TOR1AIP1: variants seen among roughly 807,000 people sequenced by gnomAD.
TOR1AIP1 encodes torsin-1A-interacting protein 1.
In TOR1AIP1, 54 loss-of-function variants were observed where a neutral mutation model predicts 63.3. The ratio of observed to expected loss-of-function variants is 0.85; its 90% CI spans 0.69 to 1.07. The LOEUF is 1.07. TOR1AIP1 is among the 50% of genes least tolerant of loss of function. The pLI is 0.00. For synonymous variants in TOR1AIP1, 294 were observed against 273.5 expected (o/e 1.07, Z -0.74); for missense variants, 736 against 715.0 (o/e 1.03, Z -0.33).
At chr1:179,907,593 T>TTATATATATATATATA (rs55752745) in intron 6 of TOR1AIP1, among the ~76,000 whole-genome samples, 1,076 of 62,730 alleles carry the variant, frequency 0.017, 12 homozygotes, top group Middle Eastern at 0.061. Context: ...CACACACACT[T>TTATATATATATATATA]TATATATATA....
At chr1:179,914,792 CAAAA>C (rs568810002) in intron 9 of TOR1AIP1, among the ~76,000 whole-genome samples, 5 of 72,382 alleles carry the variant, frequency 6.9e-5, no homozygotes, top group African/African-American at 5.3e-5. Context: ...GACTCTGTCT[CAAAA>C]AAAAAAAAAA....
intron 3 of TOR1AIP1, among the ~76,000 whole-genome samples, chr1:179,896,981 G>T (rs1478359913): frequency 1.3e-5 from 2 of 151,746 alleles, no homozygotes; most frequent in African/African-American, 4.8e-5. Flanking sequence ...AAATCTACGG[G>T]GATTATTATT....
At chr1:179,891,470 C>T (rs934082266) in intron 3 of TOR1AIP1, among the ~76,000 whole-genome samples, 1 of 151,658 alleles carries the variant, frequency 6.6e-6, no homozygotes, top group African/African-American at 2.4e-5. Flanking sequence ...TGATCTACCC[C>T]ACTTGGCCTC....
In TOR1AIP1 at chr1:179,901,386, G is replaced by T. The variant is rs1391163643; in HGVS notation, c.737G>T (p.Gly246Val). 1.9e-6 allele frequency: 3 copies of T among 1,596,030 alleles called. No homozygotes were observed. Among genetic ancestry groups the T allele is most frequent in the Non-Finnish European group, 2.6e-6 (3 of 1,167,658 alleles). Residue 246 changes from glycine to valine, a missense_variant and splice_region_variant, in exon 5 of 10, where the codon GGA becomes GTA. By Grantham distance (109) the Gly-to-Val change is moderately radical (BLOSUM62 -3). Transcript: ENST00000606911. The part of the protein sequence containing the change: ...KARSRDSDES[G>V]DKTTRSSSQY... Reference sequence around the variant, plus strand: ...AGATCCAGGGATTCTGATGAATCTGGAGGTAATATTGCTTTATATACATAT... The same window carrying T: ...AGATCCAGGGATTCTGATGAATCTGTAGGTAATATTGCTTTATATACATAT...
At position 179,912,494 on chromosome 1, in the gene TOR1AIP1, A is replaced by G. The variant is rs190820261; in HGVS notation, c.908-1504A>G. On this transcript the variant is annotated intron_variant, in intron 8 of 9. Transcript: ENST00000606911. The stretch of plus-strand genomic sequence containing the variant: ...TAAATATTATATATGGTACATAATT[A>G]TTATTTAGCTGTCCTTCATCATTAA... Among the ~76,000 whole-genome samples, 10 of 152,306 alleles carry G rather than the reference A, an allele frequency of 6.6e-5. No homozygotes were observed. In the East Asian group the frequency reaches 1.5e-3, roughly 23 times the overall value.
intron 3 of TOR1AIP1, among the ~76,000 whole-genome samples, chr1:179,897,056 T>TA (rs1648304631): frequency 6.6e-6 from 1 of 152,200 alleles, no homozygotes; most frequent in African/African-American, 2.4e-5. Context: ...TTTTTGTTTT[T>TA]AGTGATGGGA....
intron 3 of TOR1AIP1, among the ~76,000 whole-genome samples, chr1:179,899,012 A>G (rs950889756): frequency 4.6e-5 from 7 of 152,132 alleles, no homozygotes; most frequent in African/African-American, 1.7e-4. Flanking sequence ...GACTAGTATT[A>G]TACTAATCTA....
intron 8 of TOR1AIP1, among the ~76,000 whole-genome samples, chr1:179,909,802 G>A (rs776858244): frequency 2.6e-5 from 4 of 151,762 alleles, no homozygotes; most frequent in African/African-American, 7.3e-5. Context: ...TCCCTCTGTC[G>A]CCCAGGTTGG....
At chr1:179,897,591 C>G (rs949352540) in intron 3 of TOR1AIP1, among the ~76,000 whole-genome samples, 1 of 152,142 alleles carries the variant, frequency 6.6e-6, no homozygotes, top group African/African-American at 2.4e-5. Context: ...CCAACATATC[C>G]TTTCCATTAT....
At chr1:179,896,499 C>G (rs540770907) in intron 3 of TOR1AIP1, among the ~76,000 whole-genome samples, 2 of 150,540 alleles carry the variant, frequency 1.3e-5, no homozygotes, top group African/African-American at 4.9e-5. Context: ...TTTCCTACCT[C>G]TTAGATGTAC....
intron 8 of TOR1AIP1, among the ~76,000 whole-genome samples, chr1:179,910,253 C>A (rs887522485): frequency 6.6e-6 from 1 of 152,200 alleles, no homozygotes; most frequent in Admixed American, 6.5e-5. Context: ...AACCTCCCTA[C>A]TTTACTCATC....
intron 6 of TOR1AIP1, among the ~76,000 whole-genome samples, chr1:179,907,200 A>G (rs976256092): frequency 1.1e-4 from 17 of 151,690 alleles, no homozygotes; most frequent in Admixed American, 1.0e-3. Flanking sequence ...CCTGGCCAAC[A>G]TGGTGAAACC....
chr1:179,908,580 C>A, intron 7 of TOR1AIP1, 25 bp from the exon 8 acceptor site: 1 of 1,591,322 alleles, frequency 6.3e-7, no homozygotes, highest in Non-Finnish European at 8.6e-7. Flanking sequence ...GGGAAATTAT[C>A]TTTTGATATA....
At chr1:179,907,506 A>G (rs1648676816) in intron 6 of TOR1AIP1, among the ~76,000 whole-genome samples, 1 of 149,900 alleles carries the variant, frequency 6.7e-6, no homozygotes. Flanking sequence ...TTTTGATGGT[A>G]CTGATCCTAA....
At position 179,882,611 on chromosome 1, in the gene TOR1AIP1, G is replaced by A; in HGVS notation, c.109G>A (p.Gly37Ser). The change falls in exon 1 of 10, where the codon GGC becomes AGC. Residue 37 changes from glycine to serine, a missense_variant. Coordinates refer to ENST00000606911, the MANE Select transcript of TOR1AIP1 (RefSeq NM_015602.4). ...EGRGRLAPQN[G>S]GSSDAPAYRT... ...AAGGGGCCGGCTCGCCCCTCAAAAT[G>A]GCGGCAGCAGCGATGCGCCTGCGTA... 5 of 1,527,834 alleles carry A rather than the reference G, an allele frequency of 3.3e-6. No homozygotes were observed. The highest frequency in any genetic ancestry group is 4.5e-5 in the East Asian group (2 of 44,048). The allele number at this position is 1,527,834 out of a possible 1,614,324, so 94.6% of individuals were successfully genotyped here.
intron 6 of TOR1AIP1, among the ~76,000 whole-genome samples, chr1:179,906,580 A>C (rs941520580): frequency 2.6e-5 from 4 of 152,188 alleles, no homozygotes; most frequent in African/African-American, 7.2e-5. Context: ...GTTTTACTTC[A>C]TAGCTACTTT....
intron 5 of TOR1AIP1, among the ~76,000 whole-genome samples, chr1:179,902,843 A>G (rs945494542): frequency 6.6e-6 from 1 of 152,194 alleles, no homozygotes; most frequent in Admixed American, 6.5e-5. Context: ...GTGTTCATAC[A>G]TATTACATGA....
intron 9 of TOR1AIP1, among the ~76,000 whole-genome samples, chr1:179,916,256 G>A (rs141997564): frequency 2.6e-5 from 4 of 152,270 alleles, no homozygotes; most frequent in East Asian, 1.9e-4. Flanking sequence ...TAGCTTTTGC[G>A]TCATCAGTGC....
At position 179,918,046 on chromosome 1, in the gene TOR1AIP1, G is replaced by C; in HGVS notation, c.1559G>C (p.Gly520Ala). Reference sequence around the variant, plus strand: ...GTCTTATTGGAGGAAGAGACACTTGGAACAAGTCTAGGCCTAAAGGAAGTT... The same window carrying C: ...GTCTTATTGGAGGAAGAGACACTTGCAACAAGTCTAGGCCTAAAGGAAGTT... ...LTVLLEEETL[G>A]TSLGLKEVEE... Residue 520 changes from glycine (G) to alanine (A), a missense_variant, in exon 10 of 10, where the codon GGA (glycine) becomes GCA (alanine). By Grantham distance (60) the Gly-to-Ala change is moderately conservative (BLOSUM62 0). Coordinates refer to ENST00000606911, the MANE Select transcript of TOR1AIP1 (RefSeq NM_015602.4). 6.2e-7 allele frequency: 1 copy of C among 1,614,174 alleles called. No homozygotes were observed. The highest frequency in any genetic ancestry group is 8.5e-7 in the Non-Finnish European group (1 of 1,180,026).
Sources: gnomAD v4.1 joint callset for allele counts (sites outside exome capture counted in the v4.1 genomes callset) on GRCh38, gnomAD v4.1.1 for gene constraint, MANE v1.5 for transcripts, NCBI Gene and HGNC (gene_info 2026-07-23, HGNC 2026-07-21) for gene names.